Variants in PDIA4 observed in about 807,000 individuals in gnomAD.
The protein encoded by PDIA4 is protein disulfide isomerase family A member 4.
In PDIA4, 33 loss-of-function variants were observed where a neutral mutation model predicts 62.1. The observed-to-expected ratio is 0.53, with a 90% CI of 0.40 to 0.71. PDIA4 has a LOEUF of 0.71. Ranked by LOEUF, PDIA4 falls within the 30% of genes least tolerant of loss-of-function variation. PDIA4 has a pLI of 0.00. For missense variants in PDIA4, 804 were observed against 813.6 expected (o/e 0.99, Z 0.14); for synonymous variants, 341 against 324.1 (o/e 1.05, Z -0.56).
At chr7:149,012,637 G>T (rs1054448030) in intron 4 of PDIA4, among the ~76,000 whole-genome samples, 35 of 152,180 alleles carry the variant, frequency 2.3e-4, no homozygotes, top group African/African-American at 7.0e-4. Context: ...GCGGCACAGG[G>T]GAAAACATGG....
In PDIA4 at chr7:149,018,993, T is replaced by C; in HGVS notation, c.474A>G (p.Glu158=). The C allele has an allele frequency of 6.2e-7, 1 of 1,609,950 alleles. No homozygotes were observed. Among genetic ancestry groups the C allele is most frequent in the Non-Finnish European group, 8.5e-7 (1 of 1,176,590 alleles). Residue 158 remains glutamate, a splice_region_variant and synonymous_variant, in exon 3 of 10, where the codon GAA becomes GAG. Coordinates refer to ENST00000652332, the MANE Select transcript of PDIA4 (RefSeq NM_004911.5). ...AVDYEGSRTQ[E]EIVAKVREVS... ...CTACGAGCTCAGGTACCAGCTCACC[T>C]TCCTGGGTTCTGGAGCCCTCGTAGT...
chr7:149,008,835 T>C (rs1007227363), intron 6 of PDIA4, among the ~76,000 whole-genome samples: 6 of 151,424 alleles, frequency 4.0e-5, no homozygotes, highest in African/African-American at 1.5e-4. Context: ...AGGTATAACG[T>C]CTAAATCCTG....
intron 9 of PDIA4, among the ~76,000 whole-genome samples, chr7:149,004,658 C>T (rs915017349): frequency 1.3e-5 from 2 of 152,152 alleles, no homozygotes; most frequent in African/African-American, 4.8e-5. Flanking sequence ...GCAAGGTGGC[C>T]GAGGGTGAAG....
Position 149,028,342 on chromosome 7 carries a change from C to A in PDIA4, c.67G>T (p.Gly23Cys). 1 of 1,525,144 alleles carries A rather than the reference C, an allele frequency of 6.6e-7. No individual in the cohort carries two copies. Among genetic ancestry groups the A allele is most frequent in the Non-Finnish European group, 8.8e-7 (1 of 1,138,530 alleles). 94.5% of individuals were successfully genotyped at this position (1,525,144 alleles called of 1,614,324 possible). ...TCACCCTCGTCCGGGCCCTCGGCAC[C>A]CGCCACGGCCAGCAGCTGCACCAGC... ...LGLVQLLAVA[G>C]AEGPDEDSSN... Residue 23 changes from glycine (G) to cysteine (C), a missense_variant, in exon 1 of 10, where the codon GGT becomes TGT. Physicochemically the swap from Gly to Cys is radical, Grantham distance 159. Coordinates refer to ENST00000652332, the MANE Select transcript of PDIA4 (RefSeq NM_004911.5).
chr7:149,021,179 G>A (rs766693165), intron 1 of PDIA4, 32 bp from the exon 2 acceptor site: 200 of 1,548,386 alleles, frequency 1.3e-4, no homozygotes, highest in Non-Finnish European at 1.6e-4. Context: ...TGGTTACAAA[G>A]CTGGTGGTGA....
intron 3 of PDIA4, among the ~76,000 whole-genome samples, chr7:149,016,947 A>G (rs1020953433): frequency 1.3e-5 from 2 of 152,184 alleles, no homozygotes; most frequent in Non-Finnish European, 2.9e-5. Flanking sequence ...ATATCAACGG[A>G]AGCAAATCCA....
At chr7:149,017,322 GC>G (rs1237049665) in intron 3 of PDIA4, among the ~76,000 whole-genome samples, 1 of 152,032 alleles carries the variant, frequency 6.6e-6, no homozygotes, top group Non-Finnish European at 1.5e-5. Flanking sequence ...AGTGGCTCAC[GC>G]CTATAATTCC....
chr7:149,028,456 G>T lies in PDIA4; in HGVS notation c.-48C>A. 7.6e-7 allele frequency: 1 copy of T among 1,319,148 alleles called. No individual in the cohort carries two copies. The highest frequency in any genetic ancestry group is 1.0e-6 in the Non-Finnish European group (1 of 992,988). 81.7% of individuals were successfully genotyped at this position (1,319,148 alleles called of 1,614,324 possible). On this transcript the variant is annotated 5_prime_UTR_variant, in exon 1 of 10. Transcript: ENST00000652332. ...CTCCTAGCGTCGGCGGCCGCTGAGC[G>T]CACCGAGAACTCGGGGTCTGGCCGA...
intron 4 of PDIA4, 140 bp downstream of exon 4, chr7:149,014,764 G>T: frequency 1.4e-6 from 1 of 716,994 alleles, no homozygotes; most frequent in Non-Finnish European, 2.4e-6. Context: ...TCTTCCAGAA[G>T]ACCTGGAGCC....
rs767085052 is a variant in PDIA4, at chr7:149,018,961, T to A, written c.475+31A>T. The A allele has an allele frequency of 2.6e-5, 40 of 1,537,022 alleles. No individual in the cohort carries two copies. The South Asian group carries it at 4.5e-4, about 17-fold the overall frequency. ...ATTCCCATTCCCTGCGGGAAGGAGT[T>A]CTTCCTCTACGAGCTCAGGTACCAG... On this transcript the variant is annotated intron_variant, in intron 3 of 9. Transcript: ENST00000652332.
intron 7 of PDIA4, 118 bp downstream of exon 7, chr7:149,008,041 T>G (rs1823820868): frequency 1.0e-6 from 1 of 968,812 alleles, no homozygotes. Context: ...GGAAAAGGAG[T>G]TCCAGACCCT....
chr7:149,026,386 C>A (rs1824556060), intron 1 of PDIA4, among the ~76,000 whole-genome samples: 1 of 152,146 alleles, frequency 6.6e-6, no homozygotes, highest in Non-Finnish European at 1.5e-5. Context: ...CACGGTGGCT[C>A]ACTCCTGTAA....
At chr7:149,007,454 A>G (rs190452587) in intron 7 of PDIA4, among the ~76,000 whole-genome samples, 8 of 152,312 alleles carry the variant, frequency 5.3e-5, no homozygotes, top group Non-Finnish European at 1.0e-4. Flanking sequence ...GGTGGGGGGT[A>G]GAGCTCACTT....
At chr7:149,026,009 T>C (rs116810319) in intron 1 of PDIA4, among the ~76,000 whole-genome samples, 125 of 151,914 alleles carry the variant, frequency 8.2e-4, no homozygotes, top group African/African-American at 2.8e-3. Context: ...GTGTATTTAG[T>C]AACCATGTTG....
At chr7:149,028,081 G>C in intron 1 of PDIA4, 1 of 619,180 alleles carries the variant, frequency 1.6e-6, no homozygotes, top group Non-Finnish European at 3.0e-6. Flanking sequence ...CCAGGGCGTC[G>C]GAGCCCAAGA....
intron 6 of PDIA4, among the ~76,000 whole-genome samples, chr7:149,010,217 G>A (rs1009148852): frequency 2.6e-5 from 4 of 152,122 alleles, no homozygotes; most frequent in Admixed American, 1.3e-4. Flanking sequence ...AAGGCCACAC[G>A]GGCTGGGTGC....
In PDIA4 at chr7:149,019,113, G is replaced by C; in HGVS notation, c.354C>G (p.Ala118=). 6.2e-7 allele frequency: 1 copy of C among 1,613,618 alleles called. No individual in the cohort carries two copies. Among genetic ancestry groups the C allele is most frequent in the African/African-American group, 1.3e-5 (1 of 74,914 alleles). ...CAGACGCTGAGGTTGCATCGATCTT[G>C]GCAACAGGAATGGGAGGATCTTTAT... ...LKDKDPPIPV[A]KIDATSASVL... The change falls in exon 3 of 10, where the codon GCC becomes GCG. Residue 118 remains alanine, a synonymous_variant. Transcript: ENST00000652332.
chr7:149,016,155 C>T (rs955212447), intron 3 of PDIA4, among the ~76,000 whole-genome samples: 6 of 152,038 alleles, frequency 3.9e-5, no homozygotes, highest in East Asian at 1.9e-4. Flanking sequence ...ATTAGCCGGG[C>T]GTGGTGGCAC....
At position 149,021,087 on chromosome 7, in the gene PDIA4, T is replaced by C; in HGVS notation, c.149A>G (p.Asp50Gly). ...DEEEEEEEDD[D>G]EEEDDLEVKE... ...AACTTCCAAGTCGTCTTCTTCCTCA[T>C]CATCATCTTCCTCCTCCTCCTCCTC... Residue 50 changes from aspartate to glycine, a missense_variant, in exon 2 of 10, where the codon GAT (aspartate) becomes GGT (glycine). By Grantham distance (94) the Asp-to-Gly change is moderately conservative. Transcript: ENST00000652332. 6.2e-7 allele frequency: 1 copy of C among 1,612,874 alleles called. No homozygotes were observed. The highest frequency in any genetic ancestry group is 8.5e-7 in the Non-Finnish European group (1 of 1,179,316).
Sources: gnomAD v4.1 joint callset for allele counts (sites outside exome capture counted in the v4.1 genomes callset) on GRCh38, gnomAD v4.1.1 for gene constraint, MANE v1.5 for transcripts, NCBI Gene and HGNC (gene_info 2026-07-23, HGNC 2026-07-21) for gene names.